TRIM23: variants seen among roughly 807,000 people sequenced by gnomAD.
TRIM23 encodes the protein tripartite motif containing 23, also known as E3 ubiquitin-protein ligase TRIM23.
TRIM23 carries 27 observed loss-of-function variants against 71.0 expected under a neutral mutation model. That is an observed-to-expected ratio of 0.38 (90% CI 0.28 to 0.52). The LOEUF is 0.52. TRIM23 is among the 20% of genes least tolerant of loss of function. TRIM23 has a pLI of 0.84. For missense variants in TRIM23, 482 were observed against 692.3 expected (o/e 0.70, Z 3.41); for synonymous variants, 234 against 238.0 (o/e 0.98, Z 0.16).
intron 10 of TRIM23, among the ~76,000 whole-genome samples, chr5:65,592,971 AACAT>A (rs774444871): frequency 5.9e-5 from 9 of 152,182 alleles, no homozygotes; most frequent in Non-Finnish European, 8.8e-5. Context: ...TACATACATA[AACAT>A]ACATACACAA....
intron 7 of TRIM23, among the ~76,000 whole-genome samples, chr5:65,601,358 A>T (rs1754360931): frequency 6.6e-6 from 1 of 152,224 alleles, no homozygotes; most frequent in Non-Finnish European, 1.5e-5. Flanking sequence ...AGGTTTAATT[A>T]GACTTACAGT....
intron 7 of TRIM23, among the ~76,000 whole-genome samples, chr5:65,600,148 G>A (rs970339881): frequency 6.6e-6 from 1 of 152,154 alleles, no homozygotes; most frequent in East Asian, 1.9e-4. Flanking sequence ...TACCAAGGGG[G>A]ATGATACTAA....
chr5:65,592,020 G>A, intron 10 of TRIM23, 72 bp from the exon 11 acceptor site: 3 of 1,443,914 alleles, frequency 2.1e-6, no homozygotes, highest in African/African-American at 2.8e-5. Flanking sequence ...ACCATTTATA[G>A]AGAAATTTGT....
chr5:65,593,304 A>G (rs1051112169), intron 10 of TRIM23, among the ~76,000 whole-genome samples: 2 of 152,028 alleles, frequency 1.3e-5, no homozygotes, highest in African/African-American at 4.8e-5. Context: ...GTGTGGTAGC[A>G]AGCACCTGTA....
At chr5:65,618,033 A>G in intron 2 of TRIM23, 60 bp downstream of exon 2, 1 of 1,450,598 alleles carries the variant, frequency 6.9e-7, no homozygotes, top group Non-Finnish European at 9.2e-7. Flanking sequence ...ATTGTTTCCT[A>G]TGACATTTGC....
rs763120405 is a variant in TRIM23, at chr5:65,611,716, A to G, written c.532T>C (p.Cys178Arg). ...ATGGCATGCACCTGGTGCTGAGAGCACATAGTTTTCTCATGAGGTTTATCA... is the reference window on the plus strand; with the variant it reads ...ATGGCATGCACCTGGTGCTGAGAGCGCATAGTTTTCTCATGAGGTTTATCA... The part of the protein sequence containing the change: ...LADKPHEKTM[C>R]SQHQVHAIEF... The change falls in exon 4 of 11, where the codon TGC (cysteine) becomes CGC (arginine). Residue 178 changes from cysteine (C) to arginine (R), a missense_variant. Coordinates refer to ENST00000231524, the MANE Select transcript of TRIM23 (RefSeq NM_001656.4). 2 of 1,614,196 alleles carry G rather than the reference A, an allele frequency of 1.2e-6. No homozygotes were observed. Among genetic ancestry groups the G allele is most frequent in the Non-Finnish European group, 1.7e-6 (2 of 1,180,028 alleles).
In TRIM23 at chr5:65,609,373, A is replaced by G; in HGVS notation, c.914T>C (p.Met305Thr). Residue 305 changes from methionine (M) to threonine (T), a missense_variant, in exon 6 of 11, where the codon ATG becomes ACG. Physicochemically the swap from Met to Thr is moderately conservative, Grantham distance 81 (BLOSUM62 -1). Transcript: ENST00000231524. The part of the protein sequence containing the change: ...LHETLCRQEE[M>T]ALSVVDAHVR... Reference sequence around the variant, plus strand: ...ATGAGCATCAACAACACTTAGAGCCATTTCTTCTTGACGACACAGAGTTTC... The same window carrying G: ...ATGAGCATCAACAACACTTAGAGCCGTTTCTTCTTGACGACACAGAGTTTC... 2.5e-6 allele frequency: 4 copies of G among 1,614,126 alleles called. No individual in the cohort carries two copies. Among genetic ancestry groups the G allele is most frequent in the Non-Finnish European group, 3.4e-6 (4 of 1,180,016 alleles).
At chr5:65,597,673 T>G (rs1194108343) in intron 7 of TRIM23, among the ~76,000 whole-genome samples, 1 of 152,154 alleles carries the variant, frequency 6.6e-6, no homozygotes, top group African/African-American at 2.4e-5. Context: ...CACTCAACAG[T>G]ATATTATGGA....
intron 2 of TRIM23, among the ~76,000 whole-genome samples, chr5:65,616,256 C>T (rs6895557): frequency 0.03 from 4,572 of 152,234 alleles, 229 homozygotes; most frequent in African/African-American, 0.11. Context: ...TGTATTCAGT[C>T]TAGTTCCCTG....
At chr5:65,613,265 C>T (rs2150637506) in intron 3 of TRIM23, among the ~76,000 whole-genome samples, 1 of 152,258 alleles carries the variant, frequency 6.6e-6, no homozygotes, top group East Asian at 1.9e-4. Context: ...AGATTTAGCA[C>T]AGAAAGAACT....
rs537373383 is a variant in TRIM23, at chr5:65,591,356, A to C, written c.*413T>G. ...ATTCAGTGAAAAGGCAGGTTAAAAG[A>C]AGCAGCTATACTTCACTTGCTTCAC... On this transcript the variant is annotated 3_prime_UTR_variant, in exon 11 of 11. Coordinates refer to ENST00000231524, the MANE Select transcript of TRIM23 (RefSeq NM_001656.4). 3.4e-4 allele frequency: 502 copies of C among 1,490,546 alleles called. 2 individuals are homozygous for C. The highest frequency in any genetic ancestry group is 3.1e-3 in the South Asian group (225 of 72,846). 92.3% of individuals were successfully genotyped at this position (1,490,546 alleles called of 1,614,324 possible). A position where few individuals can be genotyped will look rare whatever the true frequency, so the allele number is the denominator to read the frequency against.
chr5:65,606,838 C>A (rs1754520972), intron 6 of TRIM23: 1 of 152,186 alleles, frequency 6.6e-6, no homozygotes. Context: ...TTTTGATTAG[C>A]TCTCAGAACT....
rs780141565 is a variant in TRIM23, at chr5:65,591,426, G to A, written c.*343C>T. The A allele has an allele frequency of 6.3e-7, 1 of 1,589,268 alleles. No homozygotes were observed. The highest frequency in any genetic ancestry group is 1.2e-5 in the South Asian group (1 of 86,400). On this transcript the variant is annotated 3_prime_UTR_variant, in exon 11 of 11. Transcript: ENST00000231524. ...CTCAATTGGCTATTCTTTTTTCACT[G>A]AAAGAATAAACCTTCACTTACCCTT...
At chr5:65,605,130 C>A in intron 6 of TRIM23, 85 bp from the exon 7 acceptor site, 1 of 1,255,730 alleles carries the variant, frequency 8.0e-7, no homozygotes, top group Non-Finnish European at 1.1e-6. Context: ...ACAATAAAAG[C>A]AGTTTTAACA....
intron 1 of TRIM23, among the ~76,000 whole-genome samples, chr5:65,621,201 A>T (rs1458534261): frequency 6.6e-6 from 1 of 152,090 alleles, no homozygotes; most frequent in African/African-American, 2.4e-5. Flanking sequence ...AAATACAAAA[A>T]ATTAGCCAGG....
intron 3 of TRIM23, among the ~76,000 whole-genome samples, chr5:65,613,481 C>T (rs531665689): frequency 2.6e-5 from 4 of 152,160 alleles, no homozygotes; most frequent in African/African-American, 4.8e-5. Flanking sequence ...TAACAGCCTA[C>T]GAAAGCCATG....
Position 65,613,823 on chromosome 5 carries a change from C to G in TRIM23, c.366+275G>C, listed in dbSNP as rs941808642. 8 of 1,344,924 alleles carry G rather than the reference C, an allele frequency of 5.9e-6. No individual in the cohort carries two copies. The African/African-American group carries it at 1.2e-4, about 20-fold the overall frequency. The allele number at this position is 1,344,924 out of a possible 1,614,324, so 83.3% of individuals were successfully genotyped here. Reference sequence around the variant, plus strand: ...CATATCTTTCTTACTATTCCATAATCTTCTTCCTCTTTTCACTTTATTCTT... The same window carrying G: ...CATATCTTTCTTACTATTCCATAATGTTCTTCCTCTTTTCACTTTATTCTT... On this transcript the variant is annotated intron_variant, in intron 3 of 10. Transcript: ENST00000231524.
rs1754039457 is a variant in TRIM23, at chr5:65,591,834, G to A, written c.1660C>T (p.Leu554=). The A allele has an allele frequency of 6.2e-7, 1 of 1,613,950 alleles. No individual in the cohort carries two copies. Among genetic ancestry groups the A allele is most frequent in the Non-Finnish European group, 8.5e-7 (1 of 1,179,962 alleles). ...GAGAGCCAGTCCAACCCTTCATACA[G>A]TCCCATACCACTTCGAGCATCACAG... ...QGCDARSGMG[L]YEGLDWLSRQ... The change falls in exon 11 of 11, where the codon CTG becomes TTG. Residue 554 remains leucine, a synonymous_variant. Coordinates refer to ENST00000231524, the MANE Select transcript of TRIM23 (RefSeq NM_001656.4).
In TRIM23 at chr5:65,591,609, TAAAGC is replaced by T. The variant is rs1023033297; in HGVS notation, c.*155_*159del. 81 of 1,201,460 alleles carry T rather than the reference TAAAGC, an allele frequency of 6.7e-5. No homozygotes were observed. Among genetic ancestry groups the T allele is most frequent in the Non-Finnish European group, 8.0e-5 (74 of 924,408 alleles). 74.4% of individuals were successfully genotyped at this position (1,201,460 alleles called of 1,614,324 possible). On this transcript the variant is annotated 3_prime_UTR_variant, in exon 11 of 11. Transcript: ENST00000231524. ...ATTTAATTCTGCCACAAAATTTTTT[TAAAGC>T]AAAGTACTGAATTCCCAATCCAAGA...
Sources: gnomAD v4.1 joint callset for allele counts (sites outside exome capture counted in the v4.1 genomes callset) on GRCh38, gnomAD v4.1.1 for gene constraint, MANE v1.5 for transcripts, NCBI Gene and HGNC (gene_info 2026-07-23, HGNC 2026-07-21) for gene names.